RGS17: variants seen among roughly 807,000 people sequenced by gnomAD.
RGS17 encodes the protein regulator of G protein signaling 17.
RGS17 carries 12 observed loss-of-function variants against 25.5 expected under a neutral mutation model. The ratio of observed to expected loss-of-function variants is 0.47; its 90% confidence interval spans 0.30 to 0.76. The LOEUF is 0.76. Ranked by LOEUF, RGS17 falls within the 30% of genes least tolerant of loss-of-function variation. The probability of loss-of-function intolerance (pLI) is 0.07; values close to 1 mark genes in which losing one functional copy is unlikely to be tolerated. For synonymous variants in RGS17, 71 were observed against 76.9 expected, an observed-to-expected ratio of 0.92 and a Z score of 0.40; for missense variants, 196 against 242.2, an observed-to-expected ratio of 0.81 and a Z score of 1.27.
chr6:153,112,935 G>A (rs4481443), intron 1 of RGS17, among the ~76,000 whole-genome samples: 73,145 of 151,970 alleles, frequency 0.48, 18,356 homozygotes, highest in East Asian at 0.85. Flanking sequence ...CTAAATATGG[G>A]AAGGAAAAAC....
At chr6:153,129,757 G>A (rs1190688830) in intron 1 of RGS17, among the ~76,000 whole-genome samples, 1 of 152,250 alleles carries the variant, frequency 6.6e-6, no homozygotes, top group African/African-American at 2.4e-5. Flanking sequence ...TCTGAAGAGT[G>A]TGAAGTTCTC....
chr6:153,058,255 ACAGATGTTGAAGGTTTT>A (rs1431913764), intron 1 of RGS17, among the ~76,000 whole-genome samples: 1 of 152,208 alleles, frequency 6.6e-6, no homozygotes, highest in South Asian at 2.1e-4. Context: ...TTTTAGTGCT[ACAGATGTTGAAGGTTTT>A]CATCATTATC....
chr6:153,057,534 C>T (rs1776577490), intron 1 of RGS17, among the ~76,000 whole-genome samples: 1 of 152,152 alleles, frequency 6.6e-6, no homozygotes, highest in African/African-American at 2.4e-5. Context: ...TTAGTTACTC[C>T]AGCGGTCCCC....
At chr6:153,109,499 C>T (rs940204062) in intron 1 of RGS17, among the ~76,000 whole-genome samples, 7 of 152,162 alleles carry the variant, frequency 4.6e-5, no homozygotes, top group African/African-American at 1.2e-4. Context: ...TTTTAGCAGC[C>T]GCACATTTGG....
chr6:153,024,575 A>G, intron 3 of RGS17, 79 bp from the exon 4 acceptor site: 2 of 1,065,290 alleles, frequency 1.9e-6, no homozygotes, highest in Non-Finnish European at 2.8e-6. Flanking sequence ...AGAGGAGCAG[A>G]TAGAAATTCT....
chr6:153,125,281 T>G (rs1777688121), intron 1 of RGS17, among the ~76,000 whole-genome samples: 1 of 152,212 alleles, frequency 6.6e-6, no homozygotes, highest in South Asian at 2.1e-4. Flanking sequence ...TTATATTTAC[T>G]GACACAGGGA....
At chr6:153,086,322 A>G (rs914912230) in intron 1 of RGS17, among the ~76,000 whole-genome samples, 1 of 152,198 alleles carries the variant, frequency 6.6e-6, no homozygotes, top group Admixed American at 6.5e-5. Flanking sequence ...CATTCTAAGT[A>G]TGAAAAAAAT....
At chr6:153,032,324 G>T (rs1292830) in intron 2 of RGS17, among the ~76,000 whole-genome samples, 79,912 of 151,816 alleles carry the variant, frequency 0.53, 21,381 homozygotes, top group East Asian at 0.75. Context: ...TAAAACACCT[G>T]CCTAAAAATA....
At chr6:153,070,673 T>TTGTGTGTGTGTG (rs55655703) in intron 1 of RGS17, among the ~76,000 whole-genome samples, 31,703 of 144,706 alleles carry the variant, frequency 0.22, 3,570 homozygotes, top group East Asian at 0.3. Flanking sequence ...ACATGGAAGA[T>TTGTGTGTGTGTG]TGTGTGTGTG....
At chr6:153,024,662 A>T (rs1055710877) in intron 3 of RGS17, among the ~76,000 whole-genome samples, 166 bp from the exon 4 acceptor site, 3 of 152,186 alleles carry the variant, frequency 2.0e-5, no homozygotes, top group African/African-American at 7.2e-5. Flanking sequence ...ATCTGTCAGG[A>T]CTACGTCAGT....
intron 1 of RGS17, among the ~76,000 whole-genome samples, chr6:153,053,233 T>G (rs1201118597): frequency 6.6e-6 from 1 of 152,180 alleles, no homozygotes; most frequent in Non-Finnish European, 1.5e-5. Flanking sequence ...ATGAATCAAC[T>G]TGAGGCAATC....
At chr6:153,114,809 A>G (rs1777521521) in intron 1 of RGS17, among the ~76,000 whole-genome samples, 1 of 152,238 alleles carries the variant, frequency 6.6e-6, no homozygotes. Flanking sequence ...CATCACATAA[A>G]CAGAACCAAT....
At chr6:153,079,319 C>G (rs1166522008) in intron 1 of RGS17, among the ~76,000 whole-genome samples, 1 of 152,164 alleles carries the variant, frequency 6.6e-6, no homozygotes, top group Non-Finnish European at 1.5e-5. Context: ...CTCAGGTGAT[C>G]TGCCCGCTTC....
intron 1 of RGS17, among the ~76,000 whole-genome samples, chr6:153,104,479 C>T (rs1457831473): frequency 6.6e-6 from 1 of 152,156 alleles, no homozygotes; most frequent in East Asian, 1.9e-4. Context: ...AACCAGCTCC[C>T]AGATCTGAAA....
intron 4 of RGS17, among the ~76,000 whole-genome samples, chr6:153,012,763 C>G (rs142821383): frequency 1.3e-5 from 2 of 152,304 alleles, no homozygotes; most frequent in East Asian, 3.9e-4. Context: ...TCACATAAAA[C>G]CTTCCATATT....
At chr6:153,061,596 A>G (rs1776638294) in intron 1 of RGS17, among the ~76,000 whole-genome samples, 1 of 152,232 alleles carries the variant, frequency 6.6e-6, no homozygotes, top group African/African-American at 2.4e-5. Context: ...TTATTCATAT[A>G]ATGATTTAAG....
At chr6:153,044,457 CT>C (rs1318635225) in intron 1 of RGS17, among the ~76,000 whole-genome samples, 1 of 152,132 alleles carries the variant, frequency 6.6e-6, no homozygotes, top group Admixed American at 6.5e-5. Flanking sequence ...GTAAATTGAG[CT>C]TTATAAATGA....
intron 1 of RGS17, among the ~76,000 whole-genome samples, chr6:153,078,193 T>C (rs906600499): frequency 2.0e-5 from 3 of 152,138 alleles, no homozygotes; most frequent in African/African-American, 4.8e-5. Flanking sequence ...TTATAGGAAA[T>C]TTATCATCAG....
intron 2 of RGS17, among the ~76,000 whole-genome samples, chr6:153,029,984 G>A (rs1779344408): frequency 1.3e-5 from 2 of 152,156 alleles, no homozygotes; most frequent in Admixed American, 6.6e-5. Context: ...AAGCCACAAA[G>A]AGAACTAAAC....
Sources: allele counts gnomAD v4.1 joint callset (sites outside exome capture counted in the v4.1 genomes callset), GRCh38; gene constraint gnomAD v4.1.1; transcripts MANE v1.5; gene names NCBI Gene and HGNC (gene_info 2026-07-23, HGNC 2026-07-21).